Variants in ZZZ3 observed in about 807,000 individuals in gnomAD.
ZZZ3 encodes the protein ZZ-type zinc finger-containing protein 3.
In ZZZ3, 22 loss-of-function variants were observed where a neutral mutation model predicts 95.2. The observed-to-expected ratio is 0.23, with a 90% CI of 0.17 to 0.33. The LOEUF (loss-of-function observed/expected upper bound fraction) is 0.33, where lower values mean the gene tolerates loss of function less well. Ranked by LOEUF, ZZZ3 falls within the 10% of genes least tolerant of loss-of-function variation. The pLI, the probability that ZZZ3 is intolerant of heterozygous loss-of-function variation, is 1.00. For missense variants in ZZZ3, 885 were observed against 1,066.5 expected (o/e 0.83, Z 2.37); for synonymous variants, 335 against 358.9 (o/e 0.93, Z 0.75).
chr1:77,666,754 G>C (rs1414123854), intron 1 of ZZZ3, among the ~76,000 whole-genome samples: 2 of 152,044 alleles, frequency 1.3e-5, no homozygotes, highest in Non-Finnish European at 2.9e-5. Flanking sequence ...ATAAACATCA[G>C]GTATGATCAT....
chr1:77,633,625 T>C (rs950961226), intron 4 of ZZZ3, among the ~76,000 whole-genome samples: 2 of 152,218 alleles, frequency 1.3e-5, no homozygotes, highest in Non-Finnish European at 2.9e-5. Context: ...ATATGTTCCA[T>C]GAGTCTTTCT....
chr1:77,670,142 T>G (rs919584535), intron 1 of ZZZ3, among the ~76,000 whole-genome samples: 11 of 148,364 alleles, frequency 7.4e-5, no homozygotes, highest in African/African-American at 2.7e-4. Flanking sequence ...CAAATCTCCA[T>G]GTTTTACTTG....
intron 1 of ZZZ3, among the ~76,000 whole-genome samples, chr1:77,672,095 C>T (rs768762494): frequency 7.9e-5 from 12 of 152,156 alleles, no homozygotes; most frequent in Non-Finnish European, 1.5e-4. Context: ...TCTTGAATTT[C>T]CCATTTAGTA....
At chr1:77,637,816 A>G (rs1380642390) in intron 4 of ZZZ3, among the ~76,000 whole-genome samples, 1 of 152,248 alleles carries the variant, frequency 6.6e-6, no homozygotes, top group Non-Finnish European at 1.5e-5. Context: ...AGCTTAGAGT[A>G]CAAAATTATA....
At chr1:77,622,763 A>C (rs1490812208) in intron 5 of ZZZ3, among the ~76,000 whole-genome samples, 3 of 152,166 alleles carry the variant, frequency 2.0e-5, no homozygotes, top group African/African-American at 7.2e-5. Flanking sequence ...GCAATACCTA[A>C]TCATAACTAA....
intron 5 of ZZZ3, among the ~76,000 whole-genome samples, chr1:77,619,363 T>C (rs1441652084): frequency 2.0e-5 from 3 of 152,182 alleles, no homozygotes; most frequent in Non-Finnish European, 4.4e-5. Context: ...AATTGTAGCA[T>C]CTACTCAAAA....
At position 77,648,348 on chromosome 1, in the gene ZZZ3, C is replaced by CAAAA. The variant is rs774444208; in HGVS notation, c.-402-6697_-402-6694dup. ...TGGGTGACAGAGTGAAATCTTGCCT[C>CAAAA]AAAAAAAAAAAAAAAAAAAAAATCA... On this transcript the variant is annotated intron_variant, in intron 1 of 14. Transcript: ENST00000370801. 4.7e-3 allele frequency among the ~76,000 whole-genome samples: 248 copies of CAAAA among 52,920 alleles called. 2 individuals carry two copies. The highest frequency in any genetic ancestry group is 0.017 in the African/African-American group (240 of 14,496). 34.7% of individuals were successfully genotyped at this position (52,920 alleles called of 152,430 possible).
intron 5 of ZZZ3, among the ~76,000 whole-genome samples, chr1:77,587,510 C>T (rs957968518): frequency 6.6e-5 from 10 of 152,082 alleles, no homozygotes; most frequent in African/African-American, 1.9e-4. Flanking sequence ...GTGATCCGCC[C>T]GCCTCGGCCT....
intron 1 of ZZZ3, among the ~76,000 whole-genome samples, chr1:77,670,898 A>G (rs1394372689): frequency 6.6e-6 from 1 of 152,006 alleles, no homozygotes; most frequent in Non-Finnish European, 1.5e-5. Flanking sequence ...AAAACAAGCC[A>G]GGTGCATGGT....
chr1:77,610,915 G>C (rs1473914998), intron 5 of ZZZ3, among the ~76,000 whole-genome samples: 1 of 151,720 alleles, frequency 6.6e-6, no homozygotes, highest in Non-Finnish European at 1.5e-5. Context: ...TCTGAAAAAA[G>C]ACAAGGATCC....
chr1:77,605,046 C>T (rs145404771), intron 5 of ZZZ3, among the ~76,000 whole-genome samples: 21 of 152,206 alleles, frequency 1.4e-4, no homozygotes, highest in African/African-American at 5.1e-4. Flanking sequence ...AACTATCTAC[C>T]CAAAAAAACA....
intron 5 of ZZZ3, among the ~76,000 whole-genome samples, chr1:77,622,370 CAA>C (rs200681261): frequency 3.1e-4 from 17 of 55,400 alleles, no homozygotes; most frequent in Non-Finnish European, 4.7e-4. Context: ...TGAAAAATAG[CAA>C]AAAAAAAAAA....
Position 77,632,414 on chromosome 1 carries a change from G to A in ZZZ3, c.941C>T (p.Ser314Phe). ...TCCCACCACATCTACTTCCTCCTCA[G>A]AATCCCTTAAAGATGACTGAGTTTC... ...FSETQSSLRD[S>F]EEEVDVVGDS... is the part of the protein sequence containing the mutation. Residue 314 changes from serine (S) to phenylalanine (F), a missense_variant, in exon 5 of 15, where the codon TCT becomes TTT. This residue lies in a region of ZZZ3 where 556 missense variants were observed against 652.9 expected (regional missense o/e 0.85). Coordinates refer to ENST00000370801, the MANE Select transcript of ZZZ3 (RefSeq NM_015534.6). The A allele has an allele frequency of 1.2e-6, 2 of 1,614,106 alleles. No homozygotes were observed. Among genetic ancestry groups the A allele is most frequent in the Non-Finnish European group, 1.7e-6 (2 of 1,180,010 alleles).
intron 1 of ZZZ3, among the ~76,000 whole-genome samples, chr1:77,644,356 C>T (rs1454744790): frequency 2.6e-5 from 4 of 152,190 alleles, no homozygotes; most frequent in Admixed American, 6.5e-5. Flanking sequence ...TGAGCCACCA[C>T]GCCCAGCCCA....
At chr1:77,569,023 A>T (rs1661110513) in intron 12 of ZZZ3, among the ~76,000 whole-genome samples, 1 of 152,194 alleles carries the variant, frequency 6.6e-6, no homozygotes, top group South Asian at 2.1e-4. Flanking sequence ...TAAGAGACAT[A>T]AACAGTAAAA....
chr1:77,598,549 G>T (rs1441575974), intron 5 of ZZZ3, among the ~76,000 whole-genome samples: 1 of 152,098 alleles, frequency 6.6e-6, no homozygotes, highest in African/African-American at 2.4e-5. Context: ...AAAGTATTTA[G>T]TTAAGGTACA....
chr1:77,614,124 T>C (rs1339231894), intron 5 of ZZZ3, among the ~76,000 whole-genome samples: 2 of 152,208 alleles, frequency 1.3e-5, no homozygotes, highest in Non-Finnish European at 2.9e-5. Context: ...TTTTTAAATA[T>C]GCTTTTTAAA....
chr1:77,582,199 A>G, intron 6 of ZZZ3, 73 bp from the exon 7 acceptor site: 1 of 1,400,748 alleles, frequency 7.1e-7, no homozygotes, highest in Non-Finnish European at 9.6e-7. Context: ...CACCACAGTC[A>G]AATTTTCAGA....
At chr1:77,623,913 C>T (rs955347365) in intron 5 of ZZZ3, among the ~76,000 whole-genome samples, 6 of 151,978 alleles carry the variant, frequency 3.9e-5, no homozygotes, top group African/African-American at 1.2e-4. Flanking sequence ...AAAGATTCCA[C>T]TGAAAAGTAA....
Sources: allele counts gnomAD v4.1 joint callset (sites outside exome capture counted in the v4.1 genomes callset), GRCh38; gene constraint gnomAD v4.1.1; regional missense constraint gnomAD v4.1.1; transcripts MANE v1.5; gene names NCBI Gene and HGNC (gene_info 2026-07-23, HGNC 2026-07-21).